The following TRMT9B variants were observed in gnomAD, a reference collection of about 807,000 sequenced individuals.
TRMT9B encodes tRNA methyltransferase 9B (putative).
A neutral mutation model predicts 11.5 loss-of-function variants in TRMT9B; 16 were observed. That is an observed-to-expected ratio of 1.39 (90% CI 0.94 to 2.11). TRMT9B has a LOEUF of 2.11. Ranked by LOEUF, TRMT9B falls within the 30% of genes most tolerant of loss-of-function variation. The pLI is 0.00. For synonymous variants in TRMT9B, 274 were observed against 192.4 expected, an observed-to-expected ratio of 1.42 and a Z score of -3.51; for missense variants, 941 against 553.8, an observed-to-expected ratio of 1.70 and a Z score of -7.02.
intron 3 of TRMT9B, chr8:13,010,268 C>G (rs897560679): frequency 1.2e-5 from 11 of 897,162 alleles, no homozygotes; most frequent in South Asian, 5.1e-5. Flanking sequence ...ATTTTTTAAA[C>G]TATTCAATAA....
intron 1 of TRMT9B, among the ~76,000 whole-genome samples, chr8:12,949,495 C>A (rs1015095016): frequency 1.3e-5 from 2 of 152,124 alleles, no homozygotes. Flanking sequence ...ATTTTTCTTT[C>A]CTTTCCCACA....
At chr8:12,995,703 C>T (rs1808216475) in intron 2 of TRMT9B, among the ~76,000 whole-genome samples, 1 of 152,104 alleles carries the variant, frequency 6.6e-6, no homozygotes, top group African/African-American at 2.4e-5. Flanking sequence ...GGAGGGAACA[C>T]TGATTCATCT....
At chr8:12,990,352 G>C (rs1167462804) in intron 1 of TRMT9B, among the ~76,000 whole-genome samples, 1 of 152,086 alleles carries the variant, frequency 6.6e-6, no homozygotes, top group East Asian at 1.9e-4. Context: ...AAAGCCTTTT[G>C]ATGGGTTTCA....
intron 1 of TRMT9B, chr8:12,960,356 C>G (rs139666838): frequency 4.6e-5 from 7 of 152,178 alleles, no homozygotes; most frequent in Non-Finnish European, 1.0e-4. Context: ...GAACCAAACA[C>G]GTATTAAGGA....
At chr8:13,007,927 T>A (rs2946512) in intron 3 of TRMT9B, among the ~76,000 whole-genome samples, 2,682 of 152,300 alleles carry the variant, frequency 0.018, 80 homozygotes, top group African/African-American at 0.061. Flanking sequence ...TGCCTATATA[T>A]GATACACATA....
chr8:12,947,026 C>T (rs985017651), intron 1 of TRMT9B, among the ~76,000 whole-genome samples: 1 of 152,154 alleles, frequency 6.6e-6, no homozygotes, highest in Non-Finnish European at 1.5e-5. Context: ...GGACTCCAGC[C>T]CGTGAACATC....
intron 3 of TRMT9B, among the ~76,000 whole-genome samples, chr8:13,008,747 G>C (rs13265813): frequency 0.049 from 7,351 of 151,146 alleles, 227 homozygotes; most frequent in South Asian, 0.091. Context: ...TTTCTTTTTT[G>C]AGACGGAGTC....
In TRMT9B at chr8:13,024,238, T is replaced by A. The variant is rs1406243880; in HGVS notation, c.*2194T>A. The A allele has an allele frequency of 1.3e-5, 2 of 154,726 alleles. No individual in the cohort carries two copies. Among genetic ancestry groups the A allele is most frequent in the African/African-American group, 4.8e-5 (2 of 41,356 alleles). The allele number at this position is 154,726 out of a possible 1,614,324, so 9.6% of individuals were successfully genotyped here. On this transcript the variant is annotated 3_prime_UTR_variant, in exon 5 of 5. Transcript: ENST00000524591. ...TTTTGTATTTTTAGGAGAGACGGGGTTTCACCGTGTTAGCCAGGATGGTCT... is the reference window on the plus strand; with the variant it reads ...TTTTGTATTTTTAGGAGAGACGGGGATTCACCGTGTTAGCCAGGATGGTCT...
intron 1 of TRMT9B, among the ~76,000 whole-genome samples, chr8:12,958,124 A>G (rs1412993960): frequency 6.6e-6 from 1 of 152,182 alleles, no homozygotes; most frequent in Non-Finnish European, 1.5e-5. Context: ...ATGTAGTATA[A>G]TATTTTCAAG....
chr8:13,007,904 C>T (rs946483513), intron 3 of TRMT9B, among the ~76,000 whole-genome samples: 4 of 152,110 alleles, frequency 2.6e-5, no homozygotes, highest in African/African-American at 7.2e-5. Context: ...TTAAAATATT[C>T]TCAGAGGCAA....
At position 12,991,104 on chromosome 8, in the gene TRMT9B, C is replaced by T. The variant is rs181398769; in HGVS notation, c.-2+73C>T. On this transcript the variant is annotated intron_variant, in intron 2 of 4. Transcript: ENST00000524591. The stretch of plus-strand genomic sequence containing the variant: ...TTAGCAATGTGCATATTTAGTGAAC[C>T]TAATTCTTCCCAATCCCTATAATTT... 2.2e-5 allele frequency: 14 copies of T among 646,508 alleles called. No individual in the cohort carries two copies. In the African/African-American group the frequency reaches 2.7e-4, roughly 12 times the overall value. The allele number at this position is 646,508 out of a possible 1,614,324, so 40.0% of individuals were successfully genotyped here. A position where few individuals can be genotyped will look rare whatever the true frequency, so the allele number is the denominator to read the frequency against.
intron 1 of TRMT9B, among the ~76,000 whole-genome samples, chr8:12,950,429 C>T (rs143499013): frequency 7.2e-5 from 11 of 152,272 alleles, no homozygotes; most frequent in African/African-American, 2.6e-4. Context: ...TCTTCTGTGT[C>T]CGAAGACATA....
chr8:12,971,664 A>C (rs1803648357), intron 1 of TRMT9B, among the ~76,000 whole-genome samples: 1 of 152,230 alleles, frequency 6.6e-6, no homozygotes, highest in South Asian at 2.1e-4. Context: ...TTAGCAAACA[A>C]GAAAATGGGG....
chr8:12,990,239 T>C (rs1403398741), intron 1 of TRMT9B, among the ~76,000 whole-genome samples: 2 of 152,202 alleles, frequency 1.3e-5, no homozygotes, highest in African/African-American at 2.4e-5. Flanking sequence ...TGTTATAGGA[T>C]GGGCTTTTCC....
At position 12,968,961 on chromosome 8, in the gene TRMT9B, C is replaced by T. The variant is rs987795747; in HGVS notation, c.-199-21873C>T. Among the ~76,000 whole-genome samples, 18 of 152,314 alleles carry T rather than the reference C, an allele frequency of 1.2e-4. No homozygotes were observed. In the East Asian group the frequency reaches 3.5e-3, roughly 29 times the overall value. ...GTGAGGTGGCTCATGCCTGTAATCC[C>T]AGCACTTTGGGAGGCCAAGGCAGGT... On this transcript the variant is annotated intron_variant, in intron 1 of 4. Coordinates refer to ENST00000524591, the MANE Select transcript of TRMT9B (RefSeq NM_020844.3).
chr8:12,946,530 C>T (rs534536001), intron 1 of TRMT9B, among the ~76,000 whole-genome samples: 16 of 152,148 alleles, frequency 1.1e-4, no homozygotes, highest in Admixed American at 7.9e-4. Context: ...GCACGGAGGG[C>T]GAAGGACCTC....
intron 3 of TRMT9B, chr8:13,006,610 C>T (rs1810524750): frequency 2.2e-6 from 3 of 1,387,712 alleles, no homozygotes; most frequent in Non-Finnish European, 1.9e-6. Flanking sequence ...ATTCATTTTA[C>T]AGCAGAAACT....
At chr8:12,963,962 A>G (rs1422742550) in intron 1 of TRMT9B, among the ~76,000 whole-genome samples, 1 of 152,200 alleles carries the variant, frequency 6.6e-6, no homozygotes, top group Non-Finnish European at 1.5e-5. Flanking sequence ...TTGATTCCCA[A>G]ATATTTATAA....
chr8:12,991,316 T>C (rs903456262), intron 2 of TRMT9B, among the ~76,000 whole-genome samples: 1 of 152,222 alleles, frequency 6.6e-6, no homozygotes, highest in African/African-American at 2.4e-5. Context: ...ACACAAAAGT[T>C]TACAATATCA....
Sources: gnomAD v4.1 joint callset for allele counts (sites outside exome capture counted in the v4.1 genomes callset) on GRCh38, gnomAD v4.1.1 for gene constraint, MANE v1.5 for transcripts, NCBI Gene and HGNC (gene_info 2026-07-23, HGNC 2026-07-21) for gene names.